RASSF3: variants seen among roughly 807,000 people sequenced by gnomAD.
RASSF3 encodes ras association domain-containing protein 3.
Under a neutral mutation model 19.9 loss-of-function variants are expected in RASSF3, and 19 were observed. The ratio of observed to expected loss-of-function variants is 0.96; its 90% CI spans 0.67 to 1.40. RASSF3 has a LOEUF of 1.40. RASSF3 is among the 40% of genes most tolerant of loss of function. The pLI is 0.00. For synonymous variants in RASSF3, 110 were observed against 104.2 expected, an observed-to-expected ratio of 1.06 and a Z score of -0.34; for missense variants, 306 against 289.8, an observed-to-expected ratio of 1.06 and a Z score of -0.41.
intron 1 of RASSF3, among the ~76,000 whole-genome samples, chr12:64,650,015 A>G (rs1178748714): frequency 6.6e-6 from 1 of 152,130 alleles, no homozygotes; most frequent in Non-Finnish European, 1.5e-5. Flanking sequence ...CTTTGCCAGT[A>G]TTGCTTTTCA....
chr12:64,686,479 C>T (rs1283814942), intron 2 of RASSF3, among the ~76,000 whole-genome samples: 2 of 152,324 alleles, frequency 1.3e-5, no homozygotes, highest in Admixed American at 6.5e-5. Context: ...GGCGTGGTGG[C>T]GGGCGCCTGT....
At chr12:64,638,307 G>A (rs956768748) in intron 1 of RASSF3, among the ~76,000 whole-genome samples, 3 of 152,230 alleles carry the variant, frequency 2.0e-5, no homozygotes, top group East Asian at 3.9e-4. Flanking sequence ...TGGGCCGGGC[G>A]CCGTGGCTCA....
chr12:64,537,026 T>A (rs1485534130), intron 1 of RASSF3, among the ~76,000 whole-genome samples: 1 of 152,204 alleles, frequency 6.6e-6, no homozygotes, highest in African/African-American at 2.4e-5. Context: ...TCCGTGCTCA[T>A]CTTCTTGACT....
intron 1 of RASSF3, among the ~76,000 whole-genome samples, chr12:64,661,919 G>A (rs1365947544): frequency 6.6e-6 from 1 of 150,648 alleles, no homozygotes; most frequent in Non-Finnish European, 1.5e-5. Context: ...GACTTAAGGT[G>A]ATCTGCCCAC....
chr12:64,657,617 G>A (rs915096633), intron 1 of RASSF3, among the ~76,000 whole-genome samples: 2 of 152,200 alleles, frequency 1.3e-5, no homozygotes, highest in Non-Finnish European at 1.5e-5. Context: ...CCCAGGGCAG[G>A]TCTCTGCCTG....
At chr12:64,614,101 C>G (rs1456272438) in intron 1 of RASSF3, among the ~76,000 whole-genome samples, 1 of 150,858 alleles carries the variant, frequency 6.6e-6, no homozygotes, top group African/African-American at 2.4e-5. Flanking sequence ...GAATGTTTTC[C>G]TGATTTGATA....
intron 1 of RASSF3, among the ~76,000 whole-genome samples, chr12:64,528,115 TA>T (rs1297140690): frequency 6.6e-6 from 1 of 151,128 alleles, no homozygotes; most frequent in Non-Finnish European, 1.5e-5. Context: ...CACAAAATGT[TA>T]AAAAAAATTA....
chr12:64,687,532 T>C (rs1873406698), intron 2 of RASSF3, among the ~76,000 whole-genome samples: 1 of 151,624 alleles, frequency 6.6e-6, no homozygotes, highest in Non-Finnish European at 1.5e-5. Context: ...TGGAGTGCAA[T>C]GGCGTGATCT....
rs1314126763 is a variant in RASSF3 at position 64,688,396 on chromosome 12, G to T, written c.400G>T (p.Val134Leu). ...CGAGGCCCTGCTCAAAAAGTTTCTC[G>T]TGACTGAGAGCCCTGCCAAGTTTGC... Reference protein sequence around the residue: ...VIEALLKKFLVTESPAKFALY... With the variant: ...VIEALLKKFLLTESPAKFALY... Residue 134 changes from valine (V) to leucine (L), a missense_variant, in exon 3 of 5, where the codon GTG becomes TTG. By Grantham distance (32) the Val-to-Leu change is conservative. Transcript: ENST00000542104. 3 of 1,614,086 alleles carry T rather than the reference G, an allele frequency of 1.9e-6. No homozygotes were observed. The South Asian group carries it at 3.3e-5, about 18-fold the overall frequency.
chr12:64,628,861 T>G (rs560558535), intron 1 of RASSF3, among the ~76,000 whole-genome samples: 32 of 152,324 alleles, frequency 2.1e-4, no homozygotes, highest in Non-Finnish European at 4.1e-4. Context: ...GAGGTAAATA[T>G]TCCTAGGAAA....
At chr12:64,587,256 C>A (rs920140425) in intron 2 of RASSF3, among the ~76,000 whole-genome samples, 1 of 152,018 alleles carries the variant, frequency 6.6e-6, no homozygotes, top group African/African-American at 2.4e-5. Context: ...AGAGTTTCTC[C>A]ATGTTGGTCA....
At chr12:64,516,047 AT>A (rs1345986914) in intron 1 of RASSF3, among the ~76,000 whole-genome samples, 3 of 151,834 alleles carry the variant, frequency 2.0e-5, no homozygotes, top group Non-Finnish European at 4.4e-5. Context: ...GTTGTATGGT[AT>A]TTTCAATATA....
intron 2 of RASSF3, among the ~76,000 whole-genome samples, chr12:64,603,262 G>A (rs1393496279): frequency 6.6e-6 from 1 of 152,084 alleles, no homozygotes; most frequent in Non-Finnish European, 1.5e-5. Context: ...AGGGCTTTGA[G>A]GGTCTGAGAT....
At chr12:64,587,146 TA>T (rs63701364) in intron 2 of RASSF3, among the ~76,000 whole-genome samples, 146,966 of 147,098 alleles carry the variant, frequency 1, 73,417 homozygotes, top group Middle Eastern at 1. Context: ...CTCCGCCTCC[TA>T]GGGTTCAAGC....
chr12:64,660,574 A>C (rs1872320842), intron 1 of RASSF3, among the ~76,000 whole-genome samples: 1 of 152,232 alleles, frequency 6.6e-6, no homozygotes, highest in Admixed American at 6.5e-5. Context: ...GCCTTTAAGG[A>C]GAAGGTCACA....
At chr12:64,656,168 G>A (rs115062179) in intron 1 of RASSF3, among the ~76,000 whole-genome samples, 2,650 of 152,002 alleles carry the variant, frequency 0.017, 85 homozygotes, top group African/African-American at 0.061. Flanking sequence ...TGTGATATAT[G>A]TATATATGCA....
chr12:64,632,427 G>T (rs1256694329), intron 1 of RASSF3, among the ~76,000 whole-genome samples: 1 of 152,146 alleles, frequency 6.6e-6, no homozygotes, highest in African/African-American at 2.4e-5. Flanking sequence ...AGTTTAGAGG[G>T]CAAGAGGGGT....
At chr12:64,602,536 A>G (rs1486353353) in intron 2 of RASSF3, among the ~76,000 whole-genome samples, 4 of 150,300 alleles carry the variant, frequency 2.7e-5, no homozygotes, top group Non-Finnish European at 5.9e-5. Context: ...AGCTAAGATC[A>G]CGCCACTACA....
intron 1 of RASSF3, among the ~76,000 whole-genome samples, chr12:64,683,690 T>C (rs1403603202): frequency 6.6e-6 from 1 of 152,198 alleles, no homozygotes; most frequent in Non-Finnish European, 1.5e-5. Context: ...ACAACAGAGT[T>C]AATACAAGTT....
Sources: gnomAD v4.1 joint callset for allele counts (sites outside exome capture counted in the v4.1 genomes callset) on GRCh38, gnomAD v4.1.1 for gene constraint, MANE v1.5 for transcripts, NCBI Gene and HGNC (gene_info 2026-07-23, HGNC 2026-07-21) for gene names.